DGKH: variants seen among roughly 807,000 people sequenced by gnomAD.
DGKH encodes diacylglycerol kinase eta.
In DGKH, 90 loss-of-function variants were observed where a neutral mutation model predicts 159.3. The observed-to-expected ratio is 0.57, with a 90% confidence interval of 0.48 to 0.67. DGKH has a LOEUF of 0.67. Among genes scored for constraint, DGKH ranks in the 30% least tolerant of loss-of-function variants. DGKH has a pLI of 0.00. For synonymous variants in DGKH, 536 were observed against 553.8 expected, an observed-to-expected ratio of 0.97 and a Z score of 0.45; for missense variants, 1,181 against 1,506.1, an observed-to-expected ratio of 0.78 and a Z score of 3.57.
chr13:42,241,537 G>T lies in DGKH; in HGVS notation c.*12349G>T, dbSNP rs947408374. On this transcript the variant is annotated 3_prime_UTR_variant, in exon 30 of 30. Coordinates refer to ENST00000337343, the MANE Select transcript of DGKH (RefSeq NM_178009.5). ...GTACATGTGATCCCAGTGACTGATAGATCTGTAGAATGTGAACTCACATTT... is the reference window on the plus strand; with the variant it reads ...GTACATGTGATCCCAGTGACTGATATATCTGTAGAATGTGAACTCACATTT... 1 of 152,200 alleles carries T rather than the reference G, an allele frequency of 6.6e-6. No homozygotes were observed. Among genetic ancestry groups the T allele is most frequent in the Non-Finnish European group, 1.5e-5 (1 of 68,032 alleles). The allele number at this position is 152,200 out of a possible 1,614,324, so 9.4% of individuals were successfully genotyped here.
chr13:42,166,922 C>G (rs1252446675), intron 9 of DGKH, among the ~76,000 whole-genome samples: 1 of 152,068 alleles, frequency 6.6e-6, no homozygotes, highest in African/African-American at 2.4e-5. Context: ...ACAATACTAA[C>G]AATTTCTTTA....
At chr13:42,070,513 A>T in intron 1 of DGKH, 2 of 1,330,298 alleles carry the variant, frequency 1.5e-6, no homozygotes, top group Non-Finnish European at 2.2e-6. Flanking sequence ...TGTACCATTT[A>T]GTAACCAATC....
Position 42,219,828 on chromosome 13 carries a change from T to A in DGKH, c.3442+34T>A. The A allele has an allele frequency of 1.9e-6, 3 of 1,582,668 alleles. No homozygotes were observed. The Admixed American group carries it at 5.2e-5, about 27-fold the overall frequency. On this transcript the variant is annotated intron_variant, in intron 28 of 29. Transcript: ENST00000337343. ...TCCATATGGAAGGGGAAATATAACA[T>A]TATGAAAAAAGAGCTGATTAAAGTG...
chr13:42,249,886 C>A (rs1438379848), intron 29 of DGKH, among the ~76,000 whole-genome samples: 2 of 152,178 alleles, frequency 1.3e-5, no homozygotes, highest in Admixed American at 6.5e-5. Context: ...AATCACTCTC[C>A]TTCATTGATT....
At chr13:42,171,830 T>C (rs1329856129) in intron 11 of DGKH, among the ~76,000 whole-genome samples, 3 of 4,874 alleles carry the variant, frequency 6.2e-4, no homozygotes, top group African/African-American at 1.3e-3. Flanking sequence ...ATAAATTTCT[T>C]TTTTTTTTTT....
chr13:42,129,541 T>A lies in DGKH; in HGVS notation c.304-11T>A. 1 of 1,605,884 alleles carries A rather than the reference T, an allele frequency of 6.2e-7. No individual in the cohort carries two copies. The highest frequency in any genetic ancestry group is 8.5e-7 in the Non-Finnish European group (1 of 1,174,598). ...CTTCTAATGTCTTTGTATGTTTTTT[T>A]TCATTAACAGTCTCTGATATTTGAT... On this transcript the variant is annotated splice_polypyrimidine_tract_variant and intron_variant, in intron 2 of 29. Coordinates refer to ENST00000337343, the MANE Select transcript of DGKH (RefSeq NM_178009.5).
At position 42,199,818 on chromosome 13, in the gene DGKH, G is replaced by C. The variant is rs1410270624; in HGVS notation, c.2402G>C (p.Arg801Pro). 6.3e-7 allele frequency: 1 copy of C among 1,599,346 alleles called. No homozygotes were observed. Among genetic ancestry groups the C allele is most frequent in the Non-Finnish European group, 8.5e-7 (1 of 1,176,212 alleles). Residue 801 changes from arginine to proline, a missense_variant, in exon 20 of 30, where the codon CGA becomes CCA. Physicochemically the swap from Arg to Pro is moderately radical, Grantham distance 103 (BLOSUM62 -2). Transcript: ENST00000337343. ...REEHPEKCRS[R>P]TKNLMWYGVL... is the part of the protein sequence containing the mutation. ...CTGCCAATATTTATTTTCAGGAGCC[G>C]AACTAAAAACTTGATGTGGTATGGA...
intron 3 of DGKH, among the ~76,000 whole-genome samples, chr13:42,132,608 G>A (rs1955310451): frequency 6.6e-6 from 1 of 152,184 alleles, no homozygotes; most frequent in African/African-American, 2.4e-5. Flanking sequence ...ACTTAGTTAA[G>A]TATTTATTTT....
chr13:42,192,587 T>TTCCTC (rs1957104597), intron 16 of DGKH, among the ~76,000 whole-genome samples: 2 of 111,936 alleles, frequency 1.8e-5, no homozygotes, highest in Admixed American at 1.0e-4. Flanking sequence ...TCTTCTTCTT[T>TTCCTC]TTCCTCTTCC....
At chr13:42,128,222 G>A (rs1463012274) in intron 2 of DGKH, among the ~76,000 whole-genome samples, 2 of 152,058 alleles carry the variant, frequency 1.3e-5, no homozygotes, top group Admixed American at 6.5e-5. Context: ...TTTGGGAGAA[G>A]CAATTTGTAA....
intron 12 of DGKH, 38 bp downstream of exon 12, chr13:42,174,182 G>A (rs767502385): frequency 1.4e-6 from 2 of 1,463,572 alleles, no homozygotes; most frequent in East Asian, 2.3e-5. Context: ...TGAAATGGGG[G>A]TGGATATCTT....
chr13:42,173,984 C>CGA (rs1566158190), intron 11 of DGKH, 76 bp from the exon 12 acceptor site: 1 of 866,252 alleles, frequency 1.2e-6, no homozygotes, highest in Non-Finnish European at 1.9e-6. Flanking sequence ...TGTGTGTGTG[C>CGA]GCGTTTATGA....
chr13:42,151,019 A>G (rs1032757305), intron 3 of DGKH, among the ~76,000 whole-genome samples: 2 of 152,186 alleles, frequency 1.3e-5, no homozygotes, highest in African/African-American at 4.8e-5. Context: ...CTGCAAGCGG[A>G]GGAAGGTAGG....
intron 21 of DGKH, among the ~76,000 whole-genome samples, chr13:42,206,977 T>TTC (rs200880147): frequency 0.017 from 1,850 of 106,412 alleles, 78 homozygotes; most frequent in Non-Finnish European, 0.023. Context: ...CTTTTACTTT[T>TTC]TCTTTCTTTC....
chr13:42,075,478 T>G lies in DGKH; in HGVS notation c.192+26513T>G, dbSNP rs534993479. ...GCGCAACTTCCACTATCATTATTTT[T>G]GCACCATTGTTAATCTGTATATAAA... On this transcript the variant is annotated intron_variant, in intron 1 of 29. Coordinates refer to ENST00000337343, the MANE Select transcript of DGKH (RefSeq NM_178009.5). Among the ~76,000 whole-genome samples, 3 of 152,380 alleles carry G rather than the reference T, an allele frequency of 2.0e-5. No homozygotes were observed. The East Asian group carries it at 5.8e-4, about 29-fold the overall frequency.
intron 29 of DGKH, among the ~76,000 whole-genome samples, chr13:42,248,520 T>C (rs1407947177): frequency 1.4e-5 from 2 of 147,210 alleles, no homozygotes; most frequent in Non-Finnish European, 3.0e-5. Flanking sequence ...AATATATATT[T>C]ATGCAATTAT....
intron 1 of DGKH, among the ~76,000 whole-genome samples, chr13:42,107,839 C>T (rs1954790071): frequency 1.3e-5 from 2 of 152,010 alleles, no homozygotes; most frequent in East Asian, 1.9e-4. Flanking sequence ...TTGGGGACCC[C>T]TGGTATGCCC....
chr13:42,211,789 C>G (rs778022254), intron 24 of DGKH, among the ~76,000 whole-genome samples: 8 of 152,126 alleles, frequency 5.3e-5, no homozygotes, highest in Non-Finnish European at 1.2e-4. Context: ...AAAGGAGGAG[C>G]AAAGGCACGT....
At chr13:42,253,835 G>A (rs889216437) in intron 30 of DGKH, among the ~76,000 whole-genome samples, 1 of 152,098 alleles carries the variant, frequency 6.6e-6, no homozygotes, top group Non-Finnish European at 1.5e-5. Flanking sequence ...GGTAGCCACT[G>A]GCTACATGTG....
Sources: allele counts gnomAD v4.1 joint callset (sites outside exome capture counted in the v4.1 genomes callset), GRCh38; gene constraint gnomAD v4.1.1; transcripts MANE v1.5; gene names NCBI Gene and HGNC (gene_info 2026-07-23, HGNC 2026-07-21).